TRAF5: variants seen among roughly 807,000 people sequenced by gnomAD.
The protein encoded by TRAF5 is TNF receptor associated factor 5.
Under a neutral mutation model 64.5 loss-of-function variants are expected in TRAF5, and 48 were observed. The observed-to-expected ratio is 0.74, with a 90% CI of 0.59 to 0.95. TRAF5 has a LOEUF of 0.95. Ranked by LOEUF, TRAF5 falls within the 40% of genes least tolerant of loss-of-function variation. TRAF5 has a pLI of 0.00. For synonymous variants in TRAF5, 206 were observed against 240.5 expected, an observed-to-expected ratio of 0.86 and a Z score of 1.33; for missense variants, 545 against 662.8, an observed-to-expected ratio of 0.82 and a Z score of 1.95.
At position 211,372,507 on chromosome 1, in the gene TRAF5, G is replaced by A; in HGVS notation, c.1479G>A (p.Lys493=). The change falls in exon 11 of 11, where the codon AAG becomes AAA. Residue 493 remains lysine, a synonymous_variant. Coordinates refer to ENST00000261464, the MANE Select transcript of TRAF5 (RefSeq NM_001033910.3). ...TGCTTCTGGACCAGAGTGGCAAAAA[G>A]AACATTATGGAGACCTTCAAACCTG... ...TLMLLDQSGK[K]NIMETFKPDP... is the part of the protein sequence containing the mutation. 6.2e-7 allele frequency: 1 copy of A among 1,614,184 alleles called. No homozygotes were observed. Among genetic ancestry groups the A allele is most frequent in the Non-Finnish European group, 8.5e-7 (1 of 1,180,028 alleles).
chr1:211,350,564 A>G (rs991991436), intron 1 of TRAF5, among the ~76,000 whole-genome samples: 8 of 152,188 alleles, frequency 5.3e-5, no homozygotes, highest in Admixed American at 2.0e-4. Flanking sequence ...AAGGGAGATA[A>G]CCTAACATTG....
intron 1 of TRAF5, among the ~76,000 whole-genome samples, chr1:211,331,492 C>T (rs1288096314): frequency 6.6e-6 from 1 of 152,180 alleles, no homozygotes; most frequent in Non-Finnish European, 1.5e-5. Context: ...TCAATATATA[C>T]ACAGAGCCTG....
intron 8 of TRAF5, among the ~76,000 whole-genome samples, chr1:211,367,480 A>G (rs1703392204): frequency 6.6e-6 from 1 of 152,210 alleles, no homozygotes; most frequent in South Asian, 2.1e-4. Context: ...CTAACACATA[A>G]TAAGTACTTC....
intron 1 of TRAF5, among the ~76,000 whole-genome samples, chr1:211,333,280 C>T (rs1264338706): frequency 2.0e-5 from 3 of 152,132 alleles, no homozygotes; most frequent in Non-Finnish European, 4.4e-5. Context: ...CCTCCGCCTC[C>T]CGGGTTCAAG....
intron 1 of TRAF5, among the ~76,000 whole-genome samples, chr1:211,338,526 G>C (rs1289975598): frequency 6.6e-6 from 1 of 152,200 alleles, no homozygotes; most frequent in Admixed American, 6.5e-5. Context: ...GGAAATGCAT[G>C]GTGATTAAGT....
At chr1:211,331,113 C>T (rs901259969) in intron 1 of TRAF5, among the ~76,000 whole-genome samples, 7 of 152,306 alleles carry the variant, frequency 4.6e-5, no homozygotes, top group Admixed American at 6.5e-5. Flanking sequence ...TCCTGTCCCC[C>T]TCAGCCAGTC....
intron 8 of TRAF5, among the ~76,000 whole-genome samples, chr1:211,366,080 T>C (rs1703343752): frequency 6.6e-6 from 1 of 152,234 alleles, no homozygotes; most frequent in East Asian, 1.9e-4. Context: ...CCTCAATAAA[T>C]GCTGATTCTA....
intron 1 of TRAF5, among the ~76,000 whole-genome samples, chr1:211,338,856 C>T (rs976937076): frequency 6.6e-6 from 1 of 152,160 alleles, no homozygotes; most frequent in Non-Finnish European, 1.5e-5. Flanking sequence ...AACTCCTGAG[C>T]TCAGACAATC....
intron 7 of TRAF5, among the ~76,000 whole-genome samples, chr1:211,363,195 G>A (rs1404190594): frequency 6.6e-6 from 1 of 152,048 alleles, no homozygotes; most frequent in African/African-American, 2.4e-5. Context: ...TAGGATTTAT[G>A]TTACAGATAT....
chr1:211,359,411 T>G (rs1030415365), intron 4 of TRAF5: 3 of 152,586 alleles, frequency 2.0e-5, no homozygotes, highest in African/African-American at 7.2e-5. Context: ...TTCTTAATCC[T>G]TTCCCTTTCT....
At chr1:211,356,053 G>T (rs1293421048) in intron 3 of TRAF5, among the ~76,000 whole-genome samples, 1 of 152,230 alleles carries the variant, frequency 6.6e-6, no homozygotes, top group Non-Finnish European at 1.5e-5. Flanking sequence ...GAAGCTGAAA[G>T]CATCACCCTT....
chr1:211,356,080 C>T (rs1349359105), intron 3 of TRAF5, among the ~76,000 whole-genome samples: 1 of 152,250 alleles, frequency 6.6e-6, no homozygotes, highest in East Asian at 1.9e-4. Flanking sequence ...GCTTCACCTC[C>T]TGACCTTTAA....
At chr1:211,337,826 G>A (rs980902207) in intron 1 of TRAF5, among the ~76,000 whole-genome samples, 2 of 152,200 alleles carry the variant, frequency 1.3e-5, no homozygotes, top group African/African-American at 4.8e-5. Flanking sequence ...CACTGAGATG[G>A]AGGAAGGCTA....
intron 1 of TRAF5, among the ~76,000 whole-genome samples, chr1:211,333,593 G>A (rs1351440627): frequency 1.3e-5 from 2 of 152,136 alleles, no homozygotes; most frequent in Non-Finnish European, 2.9e-5. Context: ...CGCCTCCTGG[G>A]TTCAAGCGAG....
rs143014683 is a variant in TRAF5 at position 211,363,781 on chromosome 1, G to A, written c.697-1595G>A. On this transcript the variant is annotated intron_variant, in intron 7 of 10. Coordinates refer to ENST00000261464, the MANE Select transcript of TRAF5 (RefSeq NM_001033910.3). ...ACAAAAATCAGCCAGGTGTGGTGGC[G>A]CACCCTGTAGTCCCAGCTCCTTGGG... is the stretch of plus-strand genomic sequence containing the variant. 3.6e-4 allele frequency among the ~76,000 whole-genome samples: 55 copies of A among 151,974 alleles called. No individual in the cohort carries two copies. In the East Asian group the frequency reaches 9.7e-3, roughly 27 times the overall value.
At chr1:211,360,657 C>A in intron 5 of TRAF5, 45 bp from the exon 6 acceptor site, 1 of 1,472,808 alleles carries the variant, frequency 6.8e-7, no homozygotes, top group Non-Finnish European at 9.5e-7. Flanking sequence ...CACTGTGAGG[C>A]CATGAAAGAC....
intron 9 of TRAF5, among the ~76,000 whole-genome samples, chr1:211,370,916 A>T (rs1703501048): frequency 2.6e-5 from 4 of 152,126 alleles, no homozygotes. Context: ...TTCATTCTCC[A>T]CCTTCTAGCA....
intron 1 of TRAF5, among the ~76,000 whole-genome samples, chr1:211,333,656 C>A (rs541592973): frequency 6.6e-6 from 1 of 152,184 alleles, no homozygotes; most frequent in African/African-American, 2.4e-5. Flanking sequence ...CACCAGCAGG[C>A]CTGGCTAATT....
intron 4 of TRAF5, chr1:211,358,595 A>G (rs950442759): frequency 6.6e-6 from 1 of 151,442 alleles, no homozygotes; most frequent in Non-Finnish European, 1.5e-5. Flanking sequence ...AATCCCAGCT[A>G]ATCTGGAGGC....
Sources: allele counts gnomAD v4.1 joint callset (sites outside exome capture counted in the v4.1 genomes callset), GRCh38; gene constraint gnomAD v4.1.1; transcripts MANE v1.5; gene names NCBI Gene and HGNC (gene_info 2026-07-23, HGNC 2026-07-21).